The following JAK2 variants were observed in gnomAD, a reference collection of about 807,000 sequenced individuals.
The protein encoded by JAK2 is Janus kinase 2, also known as tyrosine-protein kinase JAK2.
JAK2 carries 86 observed loss-of-function variants against 139.3 expected under a neutral mutation model. The observed-to-expected ratio is 0.62, with a 90% CI of 0.52 to 0.74. JAK2 has a LOEUF of 0.74. Among genes scored for constraint, JAK2 ranks in the 30% least tolerant of loss-of-function variants. The pLI, the probability that JAK2 is intolerant of heterozygous loss-of-function variation, is 0.00. For missense variants in JAK2, 1,421 were observed against 1,360.3 expected (o/e 1.04, Z -0.70); for synonymous variants, 490 against 437.7 (o/e 1.12, Z -1.49).
At chr9:5,073,815 T>C in intron 14 of JAK2, 30 bp downstream of exon 14, 6 of 1,353,766 alleles carry the variant, frequency 4.4e-6, no homozygotes, top group Non-Finnish European at 6.3e-6. Context: ...TTCTAATGCC[T>C]TTCTCAGAGC....
intron 2 of JAK2, among the ~76,000 whole-genome samples, chr9:5,008,185 T>G (rs930237584): frequency 1.3e-5 from 2 of 152,212 alleles, no homozygotes; most frequent in Non-Finnish European, 2.9e-5. Context: ...ATACATAAAG[T>G]CAATATTATG....
rs570224317 is a variant in JAK2, at chr9:5,107,712, C to G, written c.3060-15292C>G. On this transcript the variant is annotated intron_variant, in intron 22 of 24. Coordinates refer to ENST00000381652, the MANE Select transcript of JAK2 (RefSeq NM_004972.4). Reference sequence around the variant, plus strand: ...GGTAAAATTAATCTATCAAACCCACCTAATATCATCCCTATGTGCCTAGAA... The same window carrying G: ...GGTAAAATTAATCTATCAAACCCACGTAATATCATCCCTATGTGCCTAGAA... Among the ~76,000 whole-genome samples, 26 of 152,192 alleles carry G rather than the reference C, an allele frequency of 1.7e-4. No individual in the cohort carries two copies. The South Asian group carries it at 5.2e-3, about 30-fold the overall frequency.
intron 22 of JAK2, among the ~76,000 whole-genome samples, chr9:5,101,218 CAGG>C (rs1361924519): frequency 2.6e-5 from 4 of 152,236 alleles, no homozygotes; most frequent in African/African-American, 9.6e-5. Context: ...AATGGCACAC[CAGG>C]AGATTATATC....
At chr9:5,010,947 C>T (rs186513661) in intron 2 of JAK2, among the ~76,000 whole-genome samples, 1 of 152,308 alleles carries the variant, frequency 6.6e-6, no homozygotes, top group African/African-American at 2.4e-5. Flanking sequence ...CCTCTCCCTA[C>T]CAGTACTTTG....
At chr9:5,010,071 C>G (rs1376738581) in intron 2 of JAK2, among the ~76,000 whole-genome samples, 1 of 152,164 alleles carries the variant, frequency 6.6e-6, no homozygotes, top group Admixed American at 6.5e-5. Context: ...CGCACCTAGC[C>G]TATGTATGTT....
At chr9:5,030,771 C>T (rs1563938800) in intron 4 of JAK2, among the ~76,000 whole-genome samples, 1 of 151,922 alleles carries the variant, frequency 6.6e-6, no homozygotes, top group African/African-American at 2.4e-5. Context: ...CTTTCTCTTC[C>T]CCTATTCTAT....
chr9:5,111,202 C>T lies in JAK2; in HGVS notation c.3060-11802C>T, dbSNP rs113063528. ...TCCATTCACATTCCTGGGACCGGGA[C>T]TCGGAGGCAAGAGCAGCTAGCGCGG... is the stretch of plus-strand genomic sequence containing the variant. On this transcript the variant is annotated intron_variant, in intron 22 of 24. Transcript: ENST00000381652. 10 of 638,856 alleles carry T rather than the reference C, an allele frequency of 1.6e-5. No individual in the cohort carries two copies. In the Middle Eastern group the frequency reaches 1.6e-3, roughly 100 times the overall value. 39.6% of individuals were successfully genotyped at this position (638,856 alleles called of 1,614,324 possible). A position where few individuals can be genotyped will look rare whatever the true frequency, so the allele number is the denominator to read the frequency against.
At chr9:5,035,396 A>G (rs1823504405) in intron 4 of JAK2, among the ~76,000 whole-genome samples, 1 of 152,226 alleles carries the variant, frequency 6.6e-6, no homozygotes, top group African/African-American at 2.4e-5. Context: ...GGCCAGCATC[A>G]TCCTGATACC....
intron 22 of JAK2, among the ~76,000 whole-genome samples, chr9:5,096,153 T>C (rs1187156583): frequency 6.6e-6 from 1 of 152,150 alleles, no homozygotes; most frequent in African/African-American, 2.4e-5. Context: ...CATCCAATAA[T>C]ACGAAAATAA....
intron 2 of JAK2, among the ~76,000 whole-genome samples, chr9:4,987,950 C>T (rs972865179): frequency 6.6e-6 from 1 of 152,060 alleles, no homozygotes; most frequent in East Asian, 1.9e-4. Flanking sequence ...GCCTGTAACT[C>T]GTGTTTCCTC....
At chr9:5,075,557 C>G in intron 14 of JAK2, among the ~76,000 whole-genome samples, 1 of 151,738 alleles carries the variant, frequency 6.6e-6, no homozygotes, top group African/African-American at 2.4e-5. Flanking sequence ...GACAGCACAT[C>G]TGTTTATAGC....
At position 5,072,519 on chromosome 9, in the gene JAK2, A is replaced by G; in HGVS notation, c.1669A>G (p.Thr557Ala). The G allele has an allele frequency of 6.3e-7, 1 of 1,596,908 alleles. No homozygotes were observed. Among genetic ancestry groups the G allele is most frequent in the Non-Finnish European group, 8.5e-7 (1 of 1,170,590 alleles). The change falls in exon 13 of 25, where the codon ACA becomes GCA. Residue 557 changes from threonine to alanine, a missense_variant. Physicochemically the swap from Thr to Ala is moderately conservative, Grantham distance 58. Transcript: ENST00000381652. ...TGAAAGCCTTGGCCAAGGCACTTTT[A>G]CAAAGATTTTTAAAGGCGTACGAAG... ...FNESLGQGTFTKIFKGVRREV... is the reference protein window; with the variant it reads ...FNESLGQGTFAKIFKGVRREV...
At chr9:5,038,601 T>A (rs200008807) in intron 4 of JAK2, among the ~76,000 whole-genome samples, 2,092 of 149,474 alleles carry the variant, frequency 0.014, 29 homozygotes, top group East Asian at 0.071. Context: ...TTTAGATTTT[T>A]TTTTTTTTTT....
chr9:5,090,867 A>G lies in JAK2; in HGVS notation c.3015A>G (p.Lys1005=), dbSNP rs1820519889. Reference sequence around the variant, plus strand: ...TAACCAAAGTCTTGCCACAAGACAAAGAATACTATAAAGTAAAAGAACCTG... The same window carrying G: ...TAACCAAAGTCTTGCCACAAGACAAGGAATACTATAAAGTAAAAGAACCTG... The part of the protein sequence containing the change: ...FGLTKVLPQD[K]EYYKVKEPGE... The change falls in exon 22 of 25, where the codon AAA becomes AAG. Residue 1005 remains lysine, a synonymous_variant. Coordinates refer to ENST00000381652, the MANE Select transcript of JAK2 (RefSeq NM_004972.4). 11 of 1,612,470 alleles carry G rather than the reference A, an allele frequency of 6.8e-6. No homozygotes were observed. The highest frequency in any genetic ancestry group is 9.3e-6 in the Non-Finnish European group (11 of 1,179,214).
chr9:4,990,136 G>C lies in JAK2; in HGVS notation c.-26+4114G>C, dbSNP rs1375469508. Among the ~76,000 whole-genome samples, 4 of 152,302 alleles carry C rather than the reference G, an allele frequency of 2.6e-5. No individual in the cohort carries two copies. In the East Asian group the frequency reaches 7.7e-4, roughly 29 times the overall value. ...CATTATTATGGATTGGATAAGAAGG[G>C]AGAATGGAGGGGAGAAGAGTGATTA... On this transcript the variant is annotated intron_variant, in intron 2 of 24. Coordinates refer to ENST00000381652, the MANE Select transcript of JAK2 (RefSeq NM_004972.4).
chr9:5,117,786 C>T (rs189240004), intron 22 of JAK2, among the ~76,000 whole-genome samples: 261 of 151,994 alleles, frequency 1.7e-3, no homozygotes, highest in African/African-American at 6.1e-3. Context: ...TAAGAGTATA[C>T]GAGGAAGCCT....
intron 2 of JAK2, among the ~76,000 whole-genome samples, chr9:4,989,736 G>T (rs1820142051): frequency 1.3e-5 from 2 of 152,270 alleles, no homozygotes; most frequent in African/African-American, 4.8e-5. Context: ...ACTGGTAGAG[G>T]GGGTAAGCAA....
At chr9:4,999,046 C>T (rs1356380431) in intron 2 of JAK2, among the ~76,000 whole-genome samples, 2 of 151,866 alleles carry the variant, frequency 1.3e-5, no homozygotes, top group Admixed American at 1.3e-4. Context: ...AGGATGGTCT[C>T]GATCTCCTGA....
At chr9:4,995,793 T>C (rs1820526661) in intron 2 of JAK2, among the ~76,000 whole-genome samples, 1 of 152,234 alleles carries the variant, frequency 6.6e-6, no homozygotes, top group Non-Finnish European at 1.5e-5. Context: ...TATTTAATTC[T>C]CTATTTCTGA....
Sources: gnomAD v4.1 joint callset for allele counts (sites outside exome capture counted in the v4.1 genomes callset) on GRCh38, gnomAD v4.1.1 for gene constraint, MANE v1.5 for transcripts, NCBI Gene and HGNC (gene_info 2026-07-23, HGNC 2026-07-21) for gene names.